Variants in NCAM1 observed in about 807,000 individuals in gnomAD.
NCAM1 encodes antigen recognized by monoclonal antibody 5.1H11.
Under a neutral mutation model 109.8 loss-of-function variants are expected in NCAM1, and 14 were observed. The observed-to-expected ratio is 0.13, with a 90% confidence interval of 0.08 to 0.20. The LOEUF (loss-of-function observed/expected upper bound fraction) is 0.20. Among genes scored for constraint, NCAM1 ranks in the 10% least tolerant of loss-of-function variants. NCAM1 has a pLI of 1.00. For missense variants in NCAM1, 774 were observed against 1,109.9 expected (o/e 0.70, Z 4.30); for synonymous variants, 418 against 442.9 (o/e 0.94, Z 0.70).
chr11:113,253,858 G>A (rs1264461846), intron 15 of NCAM1, among the ~76,000 whole-genome samples: 1 of 152,184 alleles, frequency 6.6e-6, no homozygotes, highest in Non-Finnish European at 1.5e-5. Flanking sequence ...TAGGTCTAGG[G>A]TCATCAACCA....
chr11:113,076,744 A>G (rs1938544235), intron 1 of NCAM1, among the ~76,000 whole-genome samples: 1 of 152,216 alleles, frequency 6.6e-6, no homozygotes, highest in Non-Finnish European at 1.5e-5. Flanking sequence ...CTAGGGTTTC[A>G]AAGGATTGTG....
intron 1 of NCAM1, among the ~76,000 whole-genome samples, chr11:113,145,111 A>G (rs1941969121): frequency 6.6e-6 from 1 of 152,200 alleles, no homozygotes; most frequent in African/African-American, 2.4e-5. Context: ...CTACTTGAAC[A>G]TTTTGTCTTA....
At chr11:113,175,164 C>T (rs1943107592) in intron 1 of NCAM1, among the ~76,000 whole-genome samples, 1 of 152,198 alleles carries the variant, frequency 6.6e-6, no homozygotes, top group South Asian at 2.1e-4. Context: ...AGACATTTTA[C>T]AGTTGTTGTC....
intron 17 of NCAM1, chr11:113,265,325 CT>C: frequency 1.1e-5 from 3 of 284,578 alleles, no homozygotes; most frequent in Non-Finnish European, 1.6e-5. Flanking sequence ...GAATGAAATA[CT>C]TTTTCTTCCT....
At chr11:113,073,373 T>C (rs1372085597) in intron 1 of NCAM1, among the ~76,000 whole-genome samples, 4 of 152,186 alleles carry the variant, frequency 2.6e-5, no homozygotes, top group East Asian at 1.9e-4. Context: ...CTAAAGAGGG[T>C]AAGAAAGAGA....
chr11:113,050,208 A>G (rs1344124186), intron 1 of NCAM1, among the ~76,000 whole-genome samples: 7 of 152,192 alleles, frequency 4.6e-5, no homozygotes, highest in African/African-American at 1.4e-4. Flanking sequence ...TCGGCTGGAT[A>G]TGATTTATGC....
At chr11:112,974,918 C>T (rs1950968675) in intron 1 of NCAM1, among the ~76,000 whole-genome samples, 1 of 151,912 alleles carries the variant, frequency 6.6e-6, no homozygotes, top group Non-Finnish European at 1.5e-5. Flanking sequence ...CACTGATGAC[C>T]TATCTCCTTC....
At chr11:113,260,375 T>G in intron 17 of NCAM1, 52 bp downstream of exon 17, 1 of 1,565,936 alleles carries the variant, frequency 6.4e-7, no homozygotes, top group Non-Finnish European at 8.7e-7. Flanking sequence ...AATGCACAAG[T>G]GCTGCACCTC....
chr11:113,262,708 C>T (rs782606649), intron 17 of NCAM1: 18 of 915,244 alleles, frequency 2.0e-5, no homozygotes, highest in African/African-American at 3.4e-5. Context: ...CTCTACCTTC[C>T]CTTTCCTTCT....
intron 1 of NCAM1, among the ~76,000 whole-genome samples, chr11:113,074,280 G>C (rs1938427559): frequency 6.6e-6 from 1 of 152,156 alleles, no homozygotes; most frequent in South Asian, 2.1e-4. Context: ...TCCAGGACAA[G>C]ATATTTTAAC....
chr11:113,141,536 C>T (rs1359089936), intron 1 of NCAM1, among the ~76,000 whole-genome samples: 1 of 152,156 alleles, frequency 6.6e-6, no homozygotes, highest in Non-Finnish European at 1.5e-5. Context: ...GTAGTCCCAG[C>T]TACTTGGGAG....
chr11:113,011,672 T>C (rs1182730364), intron 1 of NCAM1, among the ~76,000 whole-genome samples: 1 of 152,176 alleles, frequency 6.6e-6, no homozygotes, highest in African/African-American at 2.4e-5. Context: ...AATAGAGAGA[T>C]GGTAGCAGTG....
At chr11:113,207,436 G>A (rs1944271459) in intron 6 of NCAM1, 58 bp downstream of exon 6, 1 of 1,402,472 alleles carries the variant, frequency 7.1e-7, no homozygotes, top group Middle Eastern at 1.8e-4. Flanking sequence ...GCATCACAAA[G>A]TCTGCTCCAT....
At chr11:112,976,788 G>A (rs1591205940) in intron 1 of NCAM1, among the ~76,000 whole-genome samples, 1 of 151,666 alleles carries the variant, frequency 6.6e-6, no homozygotes, top group Non-Finnish European at 1.5e-5. Flanking sequence ...GCAATTTGAT[G>A]TGGTAAGTCT....
intron 17 of NCAM1, among the ~76,000 whole-genome samples, chr11:113,266,546 A>T (rs1591473292): frequency 6.6e-6 from 1 of 152,176 alleles, no homozygotes; most frequent in East Asian, 1.9e-4. Flanking sequence ...AATGCAGGGG[A>T]GGGAAGACCT....
intron 1 of NCAM1, among the ~76,000 whole-genome samples, chr11:113,172,378 G>A (rs1017967810): frequency 3.3e-5 from 5 of 152,116 alleles, no homozygotes; most frequent in Non-Finnish European, 7.4e-5. Context: ...GTCCTCACCT[G>A]TATTCCCAGC....
intron 1 of NCAM1, among the ~76,000 whole-genome samples, chr11:113,126,352 A>G (rs116518662): frequency 0.013 from 2,041 of 152,180 alleles, 40 homozygotes; most frequent in African/African-American, 0.046. Context: ...GATTGGGCTC[A>G]GTGAGTGTTT....
intron 1 of NCAM1, among the ~76,000 whole-genome samples, chr11:113,144,397 T>C (rs1941938765): frequency 6.6e-6 from 1 of 152,224 alleles, no homozygotes; most frequent in African/African-American, 2.4e-5. Flanking sequence ...TTCTTAAAGA[T>C]TAGCAGTATT....
chr11:113,201,550 G>A (rs182842833), intron 1 of NCAM1, among the ~76,000 whole-genome samples: 2 of 152,366 alleles, frequency 1.3e-5, no homozygotes, highest in African/African-American at 4.8e-5. Context: ...AGGAATGGTT[G>A]TCTGCTCCCA....
Sources: allele counts gnomAD v4.1 joint callset (sites outside exome capture counted in the v4.1 genomes callset), GRCh38; gene constraint gnomAD v4.1.1; transcripts MANE v1.5; gene names NCBI Gene and HGNC (gene_info 2026-07-23, HGNC 2026-07-21).